The following NKX2-8 variants were observed in gnomAD, a reference collection of about 807,000 sequenced individuals.
The protein encoded by NKX2-8 is homeobox protein Nkx-2.8.
NKX2-8 carries 8 observed loss-of-function variants against 6.4 expected under a neutral mutation model. The observed-to-expected ratio is 1.24, with a 90% CI of 0.73 to 2.24. NKX2-8 has a LOEUF of 2.24. Among genes scored for constraint, NKX2-8 ranks in the 30% most tolerant of loss-of-function variants. The pLI, the probability that NKX2-8 is intolerant of heterozygous loss-of-function variation, is 0.00. For missense variants in NKX2-8, 406 were observed against 351.1 expected, an observed-to-expected ratio of 1.16 and a Z score of -1.25; for synonymous variants, 216 against 171.5, an observed-to-expected ratio of 1.26 and a Z score of -2.03.
rs1359815743 is a variant in NKX2-8 at position 36,580,673 on chromosome 14, T to C, written c.*229A>G. On this transcript the variant is annotated 3_prime_UTR_variant, in exon 2 of 2. Transcript: ENST00000258829. ...ACAAATAAGGCCCAAGCATAAAATC[T>C]AACTCTGGGGCTGGCGGTGGAGGGA... The C allele has an allele frequency of 1.0e-5, 4 of 395,768 alleles. No individual in the cohort carries two copies. The highest frequency in any genetic ancestry group is 4.1e-5 in the African/African-American group (2 of 48,534). The allele number at this position is 395,768 out of a possible 1,614,324, so 24.5% of individuals were successfully genotyped here.
rs965711839 is a variant in NKX2-8 at position 36,580,478 on chromosome 14, G to A, written c.*424C>T. Reference sequence around the variant, plus strand: ...CCGGGCCCCACTTAGCCAGTCAAGGGGCGAGCCAGCGATGCGAACACCGGT... The same window carrying A: ...CCGGGCCCCACTTAGCCAGTCAAGGAGCGAGCCAGCGATGCGAACACCGGT... On this transcript the variant is annotated 3_prime_UTR_variant, in exon 2 of 2. Transcript: ENST00000258829. 1 of 155,114 alleles carries A rather than the reference G, an allele frequency of 6.4e-6. No homozygotes were observed. The highest frequency in any genetic ancestry group is 2.4e-5 in the African/African-American group (1 of 41,556). 9.6% of individuals were successfully genotyped at this position (155,114 alleles called of 1,614,324 possible).
At position 36,581,019 on chromosome 14, in the gene NKX2-8, A is replaced by C. The variant is rs1042519285; in HGVS notation, c.603T>G (p.Pro201=). The C allele has an allele frequency of 3.6e-5, 48 of 1,344,486 alleles. No individual in the cohort carries two copies. Among genetic ancestry groups the C allele is most frequent in the Non-Finnish European group, 4.4e-5 (47 of 1,056,904 alleles). The allele number at this position is 1,344,486 out of a possible 1,614,324, so 83.3% of individuals were successfully genotyped here. Residue 201 remains proline, a synonymous_variant, in exon 2 of 2, where the codon CCT becomes CCG. Coordinates refer to ENST00000258829, the MANE Select transcript of NKX2-8 (RefSeq NM_014360.4). This position sits in a 1 kb window ranked among gnomAD's most constrained non-coding sequence, Gnocchi z 5.6. ...TAAAQEKCGA[P]PAAACPLPGY... Reference sequence around the variant, plus strand: ...CCGGCAGAGGGCAGGCGGCGGCTGGAGGGGCGCCGCACTTCTCCTGGGCCG... The same window carrying C: ...CCGGCAGAGGGCAGGCGGCGGCTGGCGGGGCGCCGCACTTCTCCTGGGCCG...
chr14:36,581,066 C>T lies in NKX2-8; in HGVS notation c.556G>A (p.Gly186Ser). ...RDGQPCGGGG[G>S]GEVGTAAAQE... ...GCCGCGGCGGTTCCCACCTCGCCAC[C>T]GCCGCCGCCGCCGCACGGCTGCCCG... Residue 186 changes from glycine to serine, a missense_variant, in exon 2 of 2, where the codon GGT becomes AGT. By Grantham distance (56) the Gly-to-Ser change is moderately conservative (BLOSUM62 0). Transcript: ENST00000258829. This position sits in a 1 kb window ranked among gnomAD's most constrained non-coding sequence, Gnocchi z 5.6. 1.5e-6 allele frequency: 2 copies of T among 1,348,516 alleles called. No individual in the cohort carries two copies. Among genetic ancestry groups the T allele is most frequent in the African/African-American group, 1.5e-5 (1 of 65,318 alleles). 83.5% of individuals were successfully genotyped at this position (1,348,516 alleles called of 1,614,324 possible).
At position 36,580,925 on chromosome 14, in the gene NKX2-8, C is replaced by A; in HGVS notation, c.697G>T (p.Ala233Ser). 1 of 1,335,014 alleles carries A rather than the reference C, an allele frequency of 7.5e-7. No homozygotes were observed. The highest frequency in any genetic ancestry group is 2.4e-5 in the South Asian group (1 of 41,498). 82.7% of individuals were successfully genotyped at this position (1,335,014 alleles called of 1,614,324 possible). Residue 233 changes from alanine to serine, a missense_variant, in exon 2 of 2, where the codon GCC (alanine) becomes TCC (serine). By Grantham distance (99) the Ala-to-Ser change is moderately conservative. Transcript: ENST00000258829. ...CCTCACCAGTTCCAGGAGACCAGGGCGGGGGATGCTAAGTGCTGGTAGGCG... is the reference window on the plus strand; with the variant it reads ...CCTCACCAGTTCCAGGAGACCAGGGAGGGGGATGCTAAGTGCTGGTAGGCG... ...FPAYQHLASP[A>S]LVSWNW
At position 36,580,818 on chromosome 14, in the gene NKX2-8, G is replaced by T; in HGVS notation, c.*84C>A. 1 of 1,020,074 alleles carries T rather than the reference G, an allele frequency of 9.8e-7. No individual in the cohort carries two copies. Among genetic ancestry groups the T allele is most frequent in the Non-Finnish European group, 1.3e-6 (1 of 791,848 alleles). The allele number at this position is 1,020,074 out of a possible 1,614,324, so 63.2% of individuals were successfully genotyped here. A position where few individuals can be genotyped will look rare whatever the true frequency, so the allele number is the denominator to read the frequency against. On this transcript the variant is annotated 3_prime_UTR_variant, in exon 2 of 2. Coordinates refer to ENST00000258829, the MANE Select transcript of NKX2-8 (RefSeq NM_014360.4). ...GGCTGCAGGGAGGCGGACGGAGAGC[G>T]TTCCAGGCGTTCGGCTCCGGCCCTG... is the stretch of plus-strand genomic sequence containing the variant.
At position 36,580,959 on chromosome 14, in the gene NKX2-8, GC is replaced by G; in HGVS notation, c.662del (p.Gly221AlafsTer9). 1.5e-6 allele frequency: 2 copies of G among 1,348,646 alleles called. No homozygotes were observed. The highest frequency in any genetic ancestry group is 9.4e-7 in the Non-Finnish European group (1 of 1,059,628). 83.5% of individuals were successfully genotyped at this position (1,348,646 alleles called of 1,614,324 possible). On this transcript the variant is annotated frameshift_variant, in exon 2 of 2. Coordinates refer to ENST00000258829, the MANE Select transcript of NKX2-8 (RefSeq NM_014360.4). LOFTEE classifies it high-confidence loss of function. ...CTAAGTGCTGGTAGGCGGGGAAGAG[GC>G]CAAGCGCCGAGCCGGGACCGAAGGC... is the stretch of plus-strand genomic sequence containing the variant. ...YPAFGPGSAL[G>X]LFPAYQHLAS...
chr14:36,582,355 C>CG lies in NKX2-8; in HGVS notation c.34dup (p.Arg12ProfsTer62). The CG allele has an allele frequency of 6.3e-7, 1 of 1,587,668 alleles. No homozygotes were observed. The highest frequency in any genetic ancestry group is 8.6e-7 in the Non-Finnish European group (1 of 1,164,242). Reference sequence around the variant, plus strand: ...CTGCTCGGGTAAATCTAGAAGGCTGCGCACGGTGAAGCTCAGGCGTCCAGA... The same window carrying CG: ...CTGCTCGGGTAAATCTAGAAGGCTGCGGCACGGTGAAGCTCAGGCGTCCAGA... On this transcript the variant is annotated frameshift_variant, in exon 1 of 2. Coordinates refer to ENST00000258829, the MANE Select transcript of NKX2-8 (RefSeq NM_014360.4). LOFTEE classifies it high-confidence loss of function.
chr14:36,582,363 G>A lies in NKX2-8; in HGVS notation c.27C>T (p.Phe9=). 3 of 1,576,434 alleles carry A rather than the reference G, an allele frequency of 1.9e-6. No individual in the cohort carries two copies. Among genetic ancestry groups the A allele is most frequent in the African/African-American group, 1.4e-5 (1 of 73,936 alleles). MATSGRLS[F]TVRSLLDLPE... Reference sequence around the variant, plus strand: ...GTAAATCTAGAAGGCTGCGCACGGTGAAGCTCAGGCGTCCAGAGGTGGCCA... The same window carrying A: ...GTAAATCTAGAAGGCTGCGCACGGTAAAGCTCAGGCGTCCAGAGGTGGCCA... The change falls in exon 1 of 2, where the codon TTC becomes TTT. Residue 9 remains phenylalanine, a synonymous_variant. Coordinates refer to ENST00000258829, the MANE Select transcript of NKX2-8 (RefSeq NM_014360.4).
In NKX2-8 at chr14:36,581,518, C is replaced by T. The variant is rs1312643559; in HGVS notation, c.158-54G>A. 16 of 1,442,546 alleles carry T rather than the reference C, an allele frequency of 1.1e-5. No individual in the cohort carries two copies. The highest frequency in any genetic ancestry group is 1.5e-5 in the South Asian group (1 of 68,742). The allele number at this position is 1,442,546 out of a possible 1,614,324, so 89.4% of individuals were successfully genotyped here. A position where few individuals can be genotyped will look rare whatever the true frequency, so the allele number is the denominator to read the frequency against. ...GTGAGACGCCGGACCCTACGAGGGC[C>T]TGCTGCCCTTCTGGCGCGGGCGTGG... On this transcript the variant is annotated intron_variant, in intron 1 of 1. Transcript: ENST00000258829. The surrounding 1 kb of genome is among the most constrained non-coding windows in gnomAD (Gnocchi z 5.6).
Position 36,582,614 on chromosome 14 carries a change from T to G in NKX2-8, c.-225A>C. The G allele has an allele frequency of 2.5e-6, 1 of 403,190 alleles. No individual in the cohort carries two copies. Among genetic ancestry groups the G allele is most frequent in the Non-Finnish European group, 4.3e-6 (1 of 230,384 alleles). 25.0% of individuals were successfully genotyped at this position (403,190 alleles called of 1,614,324 possible). A position where few individuals can be genotyped will look rare whatever the true frequency, so the allele number is the denominator to read the frequency against. ...GGGTGTTAAGTACCTGAATGAGCAC[T>G]GGACCAGAGCCGGGGCGAGCCCGGA... On this transcript the variant is annotated 5_prime_UTR_variant, in exon 1 of 2. Transcript: ENST00000258829.
Position 36,580,963 on chromosome 14 carries a change from A to G in NKX2-8, c.659T>C (p.Leu220Pro), listed in dbSNP as rs2139054102. 1 of 1,350,522 alleles carries G rather than the reference A, an allele frequency of 7.4e-7. No homozygotes were observed. The allele number at this position is 1,350,522 out of a possible 1,614,324, so 83.7% of individuals were successfully genotyped here. The change falls in exon 2 of 2, where the codon CTT (leucine) becomes CCT (proline). Residue 220 changes from leucine to proline, a missense_variant. Physicochemically the swap from Leu to Pro is moderately conservative, Grantham distance 98 (BLOSUM62 -3). Coordinates refer to ENST00000258829, the MANE Select transcript of NKX2-8 (RefSeq NM_014360.4). ...GTGCTGGTAGGCGGGGAAGAGGCCA[A>G]GCGCCGAGCCGGGACCGAAGGCAGG... is the stretch of plus-strand genomic sequence containing the variant. ...GYPAFGPGSALGLFPAYQHLA... is the reference protein window; with the variant it reads ...GYPAFGPGSAPGLFPAYQHLA...
chr14:36,582,350 G>C lies in NKX2-8; in HGVS notation c.40C>G (p.Leu14Val). 6.3e-7 allele frequency: 1 copy of C among 1,592,448 alleles called. No individual in the cohort carries two copies. Among genetic ancestry groups the C allele is most frequent in the Non-Finnish European group, 8.6e-7 (1 of 1,167,006 alleles). ...GCGTCCTGCTCGGGTAAATCTAGAA[G>C]GCTGCGCACGGTGAAGCTCAGGCGT... is the stretch of plus-strand genomic sequence containing the variant. ...SGRLSFTVRS[L>V]LDLPEQDAQH... Residue 14 changes from leucine (L) to valine (V), a missense_variant, in exon 1 of 2, where the codon CTT (leucine) becomes GTT (valine). Coordinates refer to ENST00000258829, the MANE Select transcript of NKX2-8 (RefSeq NM_014360.4).
chr14:36,582,244 C>G lies in NKX2-8; in HGVS notation c.146G>C (p.Gly49Ala). 1 of 1,608,316 alleles carries G rather than the reference C, an allele frequency of 6.2e-7. No homozygotes were observed. Among genetic ancestry groups the G allele is most frequent in the South Asian group, 1.1e-5 (1 of 90,530 alleles). Residue 49 changes from glycine to alanine, a missense_variant, in exon 1 of 2, where the codon GGC becomes GCC. Physicochemically the swap from Gly to Ala is moderately conservative, Grantham distance 60. Coordinates refer to ENST00000258829, the MANE Select transcript of NKX2-8 (RefSeq NM_014360.4). ...PCAAWLDSER[G>A]HYPSSDESSL... is the part of the protein sequence containing the mutation. ...CACCACGCACTTACAAGGGTAGTGG[C>G]CGCGCTCCGAATCCAGCCAGGCGGC...
chr14:36,580,905 C>T lies in NKX2-8; in HGVS notation c.717G>A (p.Trp239Ter), dbSNP rs369093110. ...CCCCAGGTGCCGCCCTGCGGCCTCACCAGTTCCAGGAGACCAGGGCGGGGG... is the reference window on the plus strand; with the variant it reads ...CCCCAGGTGCCGCCCTGCGGCCTCATCAGTTCCAGGAGACCAGGGCGGGGG... ...LASPALVSWN[W>*] Residue 239 changes from tryptophan (W) to a stop codon, truncating the protein, a stop_gained, in exon 2 of 2, where the codon TGG (tryptophan) becomes TGA (stop). Coordinates refer to ENST00000258829, the MANE Select transcript of NKX2-8 (RefSeq NM_014360.4). LOFTEE classifies it high-confidence loss of function. The T allele has an allele frequency of 1.7e-5, 23 of 1,316,130 alleles. No homozygotes were observed. The highest frequency in any genetic ancestry group is 1.2e-4 in the Admixed American group (3 of 25,042). The allele number at this position is 1,316,130 out of a possible 1,614,324, so 81.5% of individuals were successfully genotyped here.
chr14:36,580,962 A>T lies in NKX2-8; in HGVS notation c.660T>A (p.Leu220=). Residue 220 remains leucine, a synonymous_variant, in exon 2 of 2, where the codon CTT becomes CTA. Transcript: ENST00000258829. ...AGTGCTGGTAGGCGGGGAAGAGGCCAAGCGCCGAGCCGGGACCGAAGGCAG... is the reference window on the plus strand; with the variant it reads ...AGTGCTGGTAGGCGGGGAAGAGGCCTAGCGCCGAGCCGGGACCGAAGGCAG... ...GYPAFGPGSA[L]GLFPAYQHLA... 1 of 1,350,960 alleles carries T rather than the reference A, an allele frequency of 7.4e-7. No individual in the cohort carries two copies. The highest frequency in any genetic ancestry group is 9.4e-7 in the Non-Finnish European group (1 of 1,060,860). The allele number at this position is 1,350,960 out of a possible 1,614,324, so 83.7% of individuals were successfully genotyped here. A position where few individuals can be genotyped will look rare whatever the true frequency, so the allele number is the denominator to read the frequency against.
In NKX2-8 at chr14:36,581,513, A is replaced by G; in HGVS notation, c.158-49T>C. The G allele has an allele frequency of 6.9e-7, 1 of 1,454,822 alleles. No individual in the cohort carries two copies. 90.1% of individuals were successfully genotyped at this position (1,454,822 alleles called of 1,614,324 possible). A position where few individuals can be genotyped will look rare whatever the true frequency, so the allele number is the denominator to read the frequency against. ...GGTGGGTGAGACGCCGGACCCTACG[A>G]GGGCCTGCTGCCCTTCTGGCGCGGG... On this transcript the variant is annotated intron_variant, in intron 1 of 1. Transcript: ENST00000258829. This position sits in a 1 kb window ranked among gnomAD's most constrained non-coding sequence, Gnocchi z 5.6.
rs1405151207 is a variant in NKX2-8 at position 36,582,260 on chromosome 14, G to C, written c.130C>G (p.Leu44Val). The change falls in exon 1 of 2, where the codon CTG (leucine) becomes GTG (valine). Residue 44 changes from leucine to valine, a missense_variant. Physicochemically the swap from Leu to Val is conservative, Grantham distance 32. Coordinates refer to ENST00000258829, the MANE Select transcript of NKX2-8 (RefSeq NM_014360.4). ...GGGTAGTGGCCGCGCTCCGAATCCA[G>C]CCAGGCGGCGCAGGGGTCGGGCTGG... is the stretch of plus-strand genomic sequence containing the variant. ...APQPDPCAAW[L>V]DSERGHYPSS... is the part of the protein sequence containing the mutation. 1 of 1,608,798 alleles carries C rather than the reference G, an allele frequency of 6.2e-7. No homozygotes were observed. The highest frequency in any genetic ancestry group is 8.5e-7 in the Non-Finnish European group (1 of 1,177,406).
intron 1 of NKX2-8, 104 bp downstream of exon 1, chr14:36,582,129 G>A: frequency 2.4e-6 from 3 of 1,271,456 alleles, no homozygotes; most frequent in South Asian, 2.9e-5. Context: ...TCTAGACTCT[G>A]GGCTGGGATT....
rs1330736558 is a variant in NKX2-8, at chr14:36,581,203, T to C, written c.419A>G (p.Lys140Arg). The C allele has an allele frequency of 6.2e-7, 1 of 1,609,098 alleles. No homozygotes were observed. Among genetic ancestry groups the C allele is most frequent in the Non-Finnish European group, 8.5e-7 (1 of 1,179,030 alleles). The change falls in exon 2 of 2, where the codon AAG (lysine) becomes AGG (arginine). Residue 140 changes from lysine to arginine, a missense_variant. Lys to Arg is a conservative substitution (Grantham distance 26). Coordinates refer to ENST00000258829, the MANE Select transcript of NKX2-8 (RefSeq NM_014360.4). This position sits in a 1 kb window ranked among gnomAD's most constrained non-coding sequence, Gnocchi z 5.6. The part of the protein sequence containing the change: ...IWFQNHRYKL[K>R]RARAPGAAES... ...CGCCGCCCCTGGAGCGCGAGCGCGC[T>C]TCAGCTTGTAGCGATGATTCTGGAA...
Sources: gnomAD v4.1 joint callset for allele counts on GRCh38, gnomAD v4.1.1 for gene constraint, Gnocchi (gnomAD v3.1) non-coding constraint, MANE v1.5 for transcripts, NCBI Gene and HGNC (gene_info 2026-07-23, HGNC 2026-07-21) for gene names.